Variants in LRMDA observed in about 807,000 individuals in gnomAD.
LRMDA encodes the protein leucine-rich melanocyte differentiation-associated protein.
Under a neutral mutation model 29.8 loss-of-function variants are expected in LRMDA, and 18 were observed. The ratio of observed to expected loss-of-function variants is 0.60; its 90% confidence interval spans 0.42 to 0.90. The LOEUF (loss-of-function observed/expected upper bound fraction) is 0.90. Ranked by LOEUF, LRMDA falls within the 40% of genes least tolerant of loss-of-function variation. The pLI is 0.00. For missense variants in LRMDA, 273 were observed against 273.9 expected (o/e 1.00, Z 0.02); for synonymous variants, 125 against 109.4 (o/e 1.14, Z -0.89).
chr10:75,817,275 A>G (rs1388391798), intron 2 of LRMDA, among the ~76,000 whole-genome samples: 1 of 152,260 alleles, frequency 6.6e-6, no homozygotes, highest in Non-Finnish European at 1.5e-5. Flanking sequence ...AGAAGGAGCC[A>G]CATTTTGTTT....
intron 5 of LRMDA, among the ~76,000 whole-genome samples, chr10:76,095,180 ATTCTAT>A (rs1309796593): frequency 2.0e-5 from 3 of 152,196 alleles, no homozygotes; most frequent in Non-Finnish European, 4.4e-5. Context: ...GGCAATGCTG[ATTCTAT>A]TTCTGATCCT....
At chr10:75,552,107 C>T (rs1320153764) in intron 2 of LRMDA, among the ~76,000 whole-genome samples, 1 of 152,098 alleles carries the variant, frequency 6.6e-6, no homozygotes, top group Non-Finnish European at 1.5e-5. Flanking sequence ...CTTTTATTAT[C>T]CACATTTTAA....
intron 6 of LRMDA, among the ~76,000 whole-genome samples, chr10:76,536,857 A>G (rs1843296824): frequency 6.6e-6 from 1 of 151,958 alleles, no homozygotes; most frequent in Non-Finnish European, 1.5e-5. Context: ...TCCCCAATAA[A>G]CTTTCACCCA....
At chr10:75,607,829 T>G (rs1589202263) in intron 2 of LRMDA, among the ~76,000 whole-genome samples, 1 of 147,348 alleles carries the variant, frequency 6.8e-6, no homozygotes, top group African/African-American at 2.5e-5. Context: ...CAGTGGTTTT[T>G]TTTTTTTTTT....
chr10:76,414,826 C>A (rs551531417), intron 6 of LRMDA, among the ~76,000 whole-genome samples: 1 of 152,306 alleles, frequency 6.6e-6, no homozygotes, highest in Non-Finnish European at 1.5e-5. Context: ...TGCTAGATCA[C>A]CAGCCTAGAT....
In LRMDA at chr10:76,056,306, C is replaced by T. The variant is rs75769439; in HGVS notation, c.399-2360C>T. Among the ~76,000 whole-genome samples, 1,379 of 152,290 alleles carry T rather than the reference C, an allele frequency of 9.1e-3. 38 individuals carry two copies. Among genetic ancestry groups the T allele is most frequent in the East Asian group, 0.082 (423 of 5,158 alleles). ...ATGCTGATTGGTCCATGGGTGGCCA[C>T]AGCAGGGTCCAGAAAAAGTACCATA... On this transcript the variant is annotated intron_variant, in intron 4 of 6. Transcript: ENST00000611255.
intron 2 of LRMDA, among the ~76,000 whole-genome samples, chr10:75,445,767 A>G (rs1186690126): frequency 6.6e-6 from 1 of 152,240 alleles, no homozygotes; most frequent in Non-Finnish European, 1.5e-5. Flanking sequence ...CCCATGGCAA[A>G]CAGTGATAAA....
intron 6 of LRMDA, among the ~76,000 whole-genome samples, chr10:76,541,922 T>C (rs371601701): frequency 5.3e-5 from 8 of 152,338 alleles, no homozygotes; most frequent in Admixed American, 2.6e-4. Context: ...AGGATAGTGT[T>C]TCAGGGCAAG....
At chr10:75,682,796 G>A (rs1451375059) in intron 2 of LRMDA, among the ~76,000 whole-genome samples, 2 of 152,094 alleles carry the variant, frequency 1.3e-5, no homozygotes, top group Non-Finnish European at 2.9e-5. Flanking sequence ...GAGCCTGACT[G>A]TTTGACTCAG....
At chr10:75,520,702 T>A (rs1845346281) in intron 2 of LRMDA, among the ~76,000 whole-genome samples, 2 of 152,256 alleles carry the variant, frequency 1.3e-5, no homozygotes. Flanking sequence ...AAAGTCATTC[T>A]CCGTCCTGCT....
intron 2 of LRMDA, among the ~76,000 whole-genome samples, chr10:75,712,265 G>T (rs540636413): frequency 2.0e-5 from 3 of 152,160 alleles, no homozygotes; most frequent in African/African-American, 7.2e-5. Context: ...CCCTCCGTGC[G>T]TCTTTCTCTC....
chr10:75,733,777 G>T (rs977705334), intron 2 of LRMDA, among the ~76,000 whole-genome samples: 1 of 152,218 alleles, frequency 6.6e-6, no homozygotes, highest in Admixed American at 6.5e-5. Context: ...TTAAGGTCTT[G>T]TGTCTTTAAG....
Position 76,047,151 on chromosome 10 carries a change from T to C in LRMDA, c.259-13T>C, listed in dbSNP as rs753211392. 6.2e-7 allele frequency: 1 copy of C among 1,613,842 alleles called. No individual in the cohort carries two copies. The highest frequency in any genetic ancestry group is 2.2e-5 in the East Asian group (1 of 44,876). On this transcript the variant is annotated splice_polypyrimidine_tract_variant and intron_variant, in intron 3 of 6. Transcript: ENST00000611255. ...TTTTGTCTTACTGGACCAAGATTCTTAACCTTTGTCACATCACTGATTTGG... is the reference window on the plus strand; with the variant it reads ...TTTTGTCTTACTGGACCAAGATTCTCAACCTTTGTCACATCACTGATTTGG...
At chr10:75,654,913 A>G (rs1411495866) in intron 2 of LRMDA, among the ~76,000 whole-genome samples, 1 of 152,252 alleles carries the variant, frequency 6.6e-6, no homozygotes, top group African/African-American at 2.4e-5. Flanking sequence ...TGGAAGCGAA[A>G]CAGAAAAAAA....
chr10:75,598,993 G>T (rs1032507946), intron 2 of LRMDA, among the ~76,000 whole-genome samples: 5 of 152,168 alleles, frequency 3.3e-5, no homozygotes, highest in African/African-American at 1.2e-4. Flanking sequence ...GTGGCAAAGA[G>T]GAGAGGAGGT....
intron 2 of LRMDA, among the ~76,000 whole-genome samples, chr10:75,628,206 T>C (rs1242561011): frequency 6.6e-6 from 1 of 152,246 alleles, no homozygotes; most frequent in Non-Finnish European, 1.5e-5. Flanking sequence ...CAACTACTAA[T>C]ACTGAGAGCT....
intron 2 of LRMDA, among the ~76,000 whole-genome samples, chr10:75,771,827 A>T (rs972233458): frequency 6.6e-6 from 1 of 152,074 alleles, no homozygotes; most frequent in Non-Finnish European, 1.5e-5. Flanking sequence ...GGTGTGGGAA[A>T]GGCAGGTTGG....
At position 75,493,138 on chromosome 10, in the gene LRMDA, G is replaced by A. The variant is rs75144630; in HGVS notation, c.131+54644G>A. ...ATGAATTGTTATATTTGCATATCTC[G>A]GGGCTGACTGCTGTGAGTTTAAGAT... On this transcript the variant is annotated intron_variant, in intron 2 of 6. Coordinates refer to ENST00000611255, the MANE Select transcript of LRMDA (RefSeq NM_001305581.2). Among the ~76,000 whole-genome samples, 480 of 152,100 alleles carry A rather than the reference G, an allele frequency of 3.2e-3. 2 individuals carry two copies. Among genetic ancestry groups the A allele is most frequent in the Non-Finnish European group, 5.2e-3 (357 of 68,018 alleles).
intron 2 of LRMDA, among the ~76,000 whole-genome samples, chr10:75,558,330 G>T (rs1298927001): frequency 3.3e-5 from 5 of 152,122 alleles, no homozygotes; most frequent in African/African-American, 1.2e-4. Context: ...CAAGCACTTT[G>T]CCAGGAGAGC....
Sources: allele counts gnomAD v4.1 joint callset (sites outside exome capture counted in the v4.1 genomes callset), GRCh38; gene constraint gnomAD v4.1.1; transcripts MANE v1.5; gene names NCBI Gene and HGNC (gene_info 2026-07-23, HGNC 2026-07-21).